Variants in NALF1 observed in about 807,000 individuals in gnomAD.
NALF1 encodes family with sequence similarity 155 member A.
A neutral mutation model predicts 48.4 loss-of-function variants in NALF1; 3 were observed. That is an observed-to-expected ratio of 0.06 (90% CI 0.03 to 0.16). The LOEUF (loss-of-function observed/expected upper bound fraction) is 0.16. NALF1 is among the 10% of genes least tolerant of loss of function. The pLI is 1.00. For synonymous variants in NALF1, 262 were observed against 245.7 expected (o/e 1.07, Z -0.62); for missense variants, 526 against 571.5 (o/e 0.92, Z 0.81).
At chr13:107,788,780 T>C (rs1878147064) in intron 1 of NALF1, 1 of 149,582 alleles carries the variant, frequency 6.7e-6, no homozygotes, top group Non-Finnish European at 1.5e-5. Flanking sequence ...ATTGTATCCT[T>C]TTTTTAAAAA....
chr13:107,724,898 G>C (rs907914879), intron 1 of NALF1, among the ~76,000 whole-genome samples: 2 of 151,974 alleles, frequency 1.3e-5, no homozygotes, highest in African/African-American at 2.4e-5. Context: ...GTATTTTCTA[G>C]GAAGTCCATT....
intron 1 of NALF1, among the ~76,000 whole-genome samples, chr13:107,851,800 CCTTT>C (rs1332076492): frequency 5.7e-5 from 6 of 105,168 alleles, no homozygotes; most frequent in African/African-American, 2.0e-4. Flanking sequence ...CTTTACAGGC[CCTTT>C]CTTTTTTTTT....
chr13:107,448,553 A>G (rs1884688569), intron 1 of NALF1, among the ~76,000 whole-genome samples: 1 of 152,192 alleles, frequency 6.6e-6, no homozygotes, highest in South Asian at 2.1e-4. Flanking sequence ...AGGAGGGGTC[A>G]TGTCCAGATT....
intron 1 of NALF1, among the ~76,000 whole-genome samples, chr13:107,368,712 A>T (rs976753460): frequency 5.9e-5 from 9 of 152,134 alleles, no homozygotes; most frequent in South Asian, 4.1e-4. Flanking sequence ...CACCCTGACC[A>T]TCCAGAATAA....
rs1875467089 is a variant in NALF1 at position 107,500,060 on chromosome 13, T to TTA, written c.916-289307_916-289306dup. Among the ~76,000 whole-genome samples, 12 of 152,266 alleles carry TTA rather than the reference T, an allele frequency of 7.9e-5. No homozygotes were observed. In the South Asian group the frequency reaches 2.5e-3, roughly 32 times the overall value. On this transcript the variant is annotated intron_variant, in intron 1 of 2. Transcript: ENST00000375915. ...ACTGAATCAATTATTATGTATAAGATTAGAAGTTTACAACTGGGCTTGTCA... is the reference window on the plus strand; with the variant it reads ...ACTGAATCAATTATTATGTATAAGATTATAGAAGTTTACAACTGGGCTTGTCA...
At chr13:107,860,196 T>A (rs1321751707) in intron 1 of NALF1, among the ~76,000 whole-genome samples, 1 of 152,182 alleles carries the variant, frequency 6.6e-6, no homozygotes, top group Non-Finnish European at 1.5e-5. Context: ...TTCTAGCACA[T>A]TCCCTAACTC....
chr13:107,222,383 T>A (rs1880012980), intron 1 of NALF1, among the ~76,000 whole-genome samples: 1 of 152,236 alleles, frequency 6.6e-6, no homozygotes, highest in Admixed American at 6.5e-5. Context: ...ATTTTTAGCA[T>A]ATTTCCCTTA....
At chr13:107,586,635 A>AGTTTTTTTTTTTTTT (rs1878464565) in intron 1 of NALF1, among the ~76,000 whole-genome samples, 1 of 93,122 alleles carries the variant, frequency 1.1e-5, no homozygotes. Flanking sequence ...CCCTATGGAG[A>AGTTTTTTTTTTTTTT]TTTTTTTTTT....
At chr13:107,208,504 G>C (rs1879690030) in intron 2 of NALF1, among the ~76,000 whole-genome samples, 1 of 152,202 alleles carries the variant, frequency 6.6e-6, no homozygotes, top group Non-Finnish European at 1.5e-5. Flanking sequence ...CACAAATACA[G>C]ATACATGTAG....
chr13:107,450,328 C>T (rs557115552), intron 1 of NALF1, among the ~76,000 whole-genome samples: 36 of 152,214 alleles, frequency 2.4e-4, no homozygotes, highest in African/African-American at 6.0e-4. Context: ...CATAGAGCCA[C>T]GGGGACTGGG....
intron 1 of NALF1, among the ~76,000 whole-genome samples, chr13:107,615,842 TG>T (rs1240280724): frequency 2.0e-5 from 3 of 152,188 alleles, no homozygotes; most frequent in South Asian, 2.1e-4. Context: ...GGTATCTGCT[TG>T]GTGAAATGTG....
chr13:107,651,762 T>C (rs376285512), intron 1 of NALF1, among the ~76,000 whole-genome samples: 12 of 152,260 alleles, frequency 7.9e-5, no homozygotes, highest in Admixed American at 5.2e-4. Flanking sequence ...ACAAAACTGT[T>C]TGCAATATAC....
chr13:107,815,599 C>A (rs1879140282), intron 1 of NALF1, among the ~76,000 whole-genome samples: 1 of 152,072 alleles, frequency 6.6e-6, no homozygotes, highest in Admixed American at 6.6e-5. Context: ...CTGAAATAGT[C>A]AGAGTTTCCA....
In NALF1 at chr13:107,609,001, G is replaced by A. The variant is rs185796506; in HGVS notation, c.915+256681C>T. 3.2e-3 allele frequency among the ~76,000 whole-genome samples: 484 copies of A among 152,336 alleles called. 1 individual carries two copies. The highest frequency in any genetic ancestry group is 6.8e-3 in the South Asian group (33 of 4,832). The stretch of plus-strand genomic sequence containing the variant: ...AAGGAGTTCACAGTGAACAAGATGA[G>A]AAGGGCTGGGCCCTGCAGGGTCAAG... On this transcript the variant is annotated intron_variant, in intron 1 of 2. Transcript: ENST00000375915.
intron 1 of NALF1, among the ~76,000 whole-genome samples, chr13:107,414,437 AT>A (rs1437160338): frequency 1.3e-5 from 2 of 150,644 alleles, no homozygotes; most frequent in African/African-American, 2.4e-5. Context: ...TTTGTAGGCT[AT>A]TTTTTTCTTC....
chr13:107,413,308 G>A (rs1010711978), intron 1 of NALF1, among the ~76,000 whole-genome samples: 6 of 152,140 alleles, frequency 3.9e-5, no homozygotes, highest in African/African-American at 1.2e-4. Flanking sequence ...CTAAGTGCAT[G>A]CTATCTGCTA....
At chr13:107,532,865 A>G (rs1481133048) in intron 1 of NALF1, among the ~76,000 whole-genome samples, 1 of 152,144 alleles carries the variant, frequency 6.6e-6, no homozygotes, top group African/African-American at 2.4e-5. Flanking sequence ...CAATTATATT[A>G]ACTGAAGACA....
At chr13:107,275,645 C>T (rs1416245331) in intron 1 of NALF1, among the ~76,000 whole-genome samples, 3 of 152,124 alleles carry the variant, frequency 2.0e-5, no homozygotes, top group Admixed American at 2.0e-4. Context: ...TCCAGGTCTT[C>T]CAGGTAAAAC....
chr13:107,828,492 G>GTT (rs35255869), intron 1 of NALF1, among the ~76,000 whole-genome samples: 14,010 of 136,652 alleles, frequency 0.1, 999 homozygotes, highest in African/African-American at 0.14. Context: ...CCACTGACTT[G>GTT]TTTTTTTTTT....
Sources: gnomAD v4.1 joint callset for allele counts (sites outside exome capture counted in the v4.1 genomes callset) on GRCh38, gnomAD v4.1.1 for gene constraint, MANE v1.5 for transcripts, NCBI Gene and HGNC (gene_info 2026-07-23, HGNC 2026-07-21) for gene names.